The following API5 variants were observed in gnomAD, a reference collection of about 807,000 sequenced individuals.
API5 encodes FIF.
Under a neutral mutation model 71.9 loss-of-function variants are expected in API5, and 6 were observed. That is an observed-to-expected ratio of 0.08 (90% CI 0.05 to 0.16). The LOEUF (loss-of-function observed/expected upper bound fraction) is 0.16. API5 is among the 10% of genes least tolerant of loss of function. API5 has a pLI of 1.00. For missense variants in API5, 332 were observed against 612.8 expected (o/e 0.54, Z 4.84); for synonymous variants, 189 against 221.3 (o/e 0.85, Z 1.30).
chr11:43,321,525 C>A, intron 4 of API5, 49 bp downstream of exon 4: 1 of 1,390,400 alleles, frequency 7.2e-7, no homozygotes, highest in Non-Finnish European at 1.0e-6. Context: ...TACAGAATCA[C>A]AAAGTTAGGT....
chr11:43,316,726 C>T (rs1854685085), intron 1 of API5, among the ~76,000 whole-genome samples: 1 of 152,166 alleles, frequency 6.6e-6, no homozygotes. Context: ...GCGACCATGG[C>T]TTACCACAGC....
rs570653459 is a variant in API5, at chr11:43,343,872, T to A, written c.*1362T>A. 6.5e-6 allele frequency: 1 copy of A among 152,808 alleles called. No homozygotes were observed. The highest frequency in any genetic ancestry group is 2.1e-4 in the South Asian group (1 of 4,828). The allele number at this position is 152,808 out of a possible 1,614,324, so 9.5% of individuals were successfully genotyped here. ...TTTCTAGTAGTCTGATGTATTTTTC[T>A]GAGGAATAGTTTGTGATTCCAATGC... On this transcript the variant is annotated 3_prime_UTR_variant, in exon 14 of 14. Coordinates refer to ENST00000531273, the MANE Select transcript of API5 (RefSeq NM_001142930.2).
intron 2 of API5, among the ~76,000 whole-genome samples, chr11:43,319,463 C>T (rs1854791368): frequency 6.6e-6 from 1 of 152,178 alleles, no homozygotes; most frequent in Non-Finnish European, 1.5e-5. Flanking sequence ...CAGGGTTTCA[C>T]TCTGTTGCCT....
intron 9 of API5, 80 bp downstream of exon 9, chr11:43,328,973 A>G (rs76153684): frequency 4.9e-5 from 70 of 1,438,268 alleles, no homozygotes; most frequent in South Asian, 1.5e-4. Context: ...CTTTTGTTCT[A>G]TGAGAGCTCC....
At chr11:43,314,579 T>A (rs1854605396) in intron 1 of API5, among the ~76,000 whole-genome samples, 1 of 152,216 alleles carries the variant, frequency 6.6e-6, no homozygotes, top group East Asian at 1.9e-4. Context: ...ACATTTCACC[T>A]ACCATGTACC....
Position 43,343,331 on chromosome 11 carries a change from T to C in API5, c.*821T>C, listed in dbSNP as rs923524607. ...TTTGAGGCTGAATCCGTTATTAACT[T>C]GTTATTTAGGTTTTTACTCCCAGTA... is the stretch of plus-strand genomic sequence containing the variant. On this transcript the variant is annotated 3_prime_UTR_variant, in exon 14 of 14. Coordinates refer to ENST00000531273, the MANE Select transcript of API5 (RefSeq NM_001142930.2). 2 of 152,312 alleles carry C rather than the reference T, an allele frequency of 1.3e-5. No homozygotes were observed. Among genetic ancestry groups the C allele is most frequent in the Non-Finnish European group, 2.9e-5 (2 of 68,028 alleles). The allele number at this position is 152,312 out of a possible 1,614,324, so 9.4% of individuals were successfully genotyped here.
intron 11 of API5, among the ~76,000 whole-genome samples, chr11:43,332,851 T>C (rs963000788): frequency 2.0e-5 from 3 of 152,174 alleles, no homozygotes; most frequent in African/African-American, 7.2e-5. Context: ...GTTCCGACCC[T>C]GTAAGTATGT....
Sources: gnomAD v4.1 joint callset for allele counts (sites outside exome capture counted in the v4.1 genomes callset) on GRCh38, gnomAD v4.1.1 for gene constraint, MANE v1.5 for transcripts, NCBI Gene and HGNC (gene_info 2026-07-23, HGNC 2026-07-21) for gene names.